Variants in KCNN2 observed in about 807,000 individuals in gnomAD.
The protein encoded by KCNN2 is potassium calcium-activated channel subfamily N member 2.
In KCNN2, 24 loss-of-function variants were observed where a neutral mutation model predicts 55.5. That is an observed-to-expected ratio of 0.43 (90% CI 0.31 to 0.61). The LOEUF (loss-of-function observed/expected upper bound fraction) is 0.61, where lower values mean the gene tolerates loss of function less well. Among genes scored for constraint, KCNN2 ranks in the 20% least tolerant of loss-of-function variants. The pLI, the probability that KCNN2 is intolerant of heterozygous loss-of-function variation, is 0.08. For missense variants in KCNN2, 754 were observed against 853.6 expected, an observed-to-expected ratio of 0.88 and a Z score of 1.45; for synonymous variants, 431 against 336.1, an observed-to-expected ratio of 1.28 and a Z score of -3.09.
chr5:114,206,031 A>G (rs1344125904), intron 1 of KCNN2, among the ~76,000 whole-genome samples: 1 of 152,236 alleles, frequency 6.6e-6, no homozygotes, highest in African/African-American at 2.4e-5. Context: ...TCCAAAGTTC[A>G]TAAAAATTGA....
chr5:114,197,555 A>G (rs116760560), intron 1 of KCNN2, among the ~76,000 whole-genome samples: 4,550 of 152,280 alleles, frequency 0.03, 236 homozygotes, highest in African/African-American at 0.1. Context: ...TCAGGGCCCC[A>G]GTATTCTCAG....
rs141649479 is a variant in KCNN2, at chr5:114,139,459, A to ACC, written c.-270-82014_-270-82013dup. ...CAAAGGAACACACACTCACACAACC[A>ACC]CCCCCCCCACACACACACACCAGAA... On this transcript the variant is annotated intron_variant, in intron 1 of 10. Coordinates refer to the KCNN2 transcript ENST00000512097. 3.6e-3 allele frequency among the ~76,000 whole-genome samples: 505 copies of ACC among 140,562 alleles called. 3 individuals carry two copies. The highest frequency in any genetic ancestry group is 0.023 in the Middle Eastern group (6 of 264). The allele number at this position is 140,562 out of a possible 152,430, so 92.2% of individuals were successfully genotyped here.
At position 114,203,947 on chromosome 5, in the gene KCNN2, TA is replaced by T. The variant is rs1214830994; in HGVS notation, c.-270-17532del. On this transcript the variant is annotated intron_variant, in intron 1 of 10. Transcript: ENST00000512097. The stretch of plus-strand genomic sequence containing the variant: ...ACACAGTTACAAACATTATCTCCTT[TA>T]GTTCTGCAGAAAATGAATCCCTGAT... Among the ~76,000 whole-genome samples the T allele has an allele frequency of 5.9e-5, 9 of 152,318 alleles. No individual in the cohort carries two copies. In the South Asian group the frequency reaches 1.7e-3, roughly 28 times the overall value.
chr5:114,162,172 G>A (rs1248810282), intron 1 of KCNN2, among the ~76,000 whole-genome samples: 1 of 152,112 alleles, frequency 6.6e-6, no homozygotes, highest in Non-Finnish European at 1.5e-5. Context: ...ATGTACAGAC[G>A]GGTTTTTGGT....
chr5:114,065,717 T>G (rs1750430812), intron 1 of KCNN2, among the ~76,000 whole-genome samples: 1 of 152,196 alleles, frequency 6.6e-6, no homozygotes, highest in Non-Finnish European at 1.5e-5. Flanking sequence ...GATTTGGTTC[T>G]TATTTTACTA....
At chr5:114,267,007 T>G (rs922758570) in intron 2 of KCNN2, among the ~76,000 whole-genome samples, 1 of 150,096 alleles carries the variant, frequency 6.7e-6, no homozygotes, top group Non-Finnish European at 1.5e-5. Context: ...TTTTTTTTTT[T>G]TTTTTTTGAG....
chr5:114,110,168 A>G (rs1751566941), intron 1 of KCNN2, among the ~76,000 whole-genome samples: 1 of 152,064 alleles, frequency 6.6e-6, no homozygotes, highest in Admixed American at 6.6e-5. Flanking sequence ...AAAAATATCT[A>G]TCTTTTATAA....
chr5:114,349,645 A>T (rs770211539), intron 2 of KCNN2, among the ~76,000 whole-genome samples: 1 of 152,042 alleles, frequency 6.6e-6, no homozygotes, highest in Non-Finnish European at 1.5e-5. Flanking sequence ...TTATTTATAT[A>T]CTTATCAGTT....
chr5:114,367,735 T>G (rs917767876), intron 2 of KCNN2, among the ~76,000 whole-genome samples: 2 of 152,144 alleles, frequency 1.3e-5, no homozygotes, highest in African/African-American at 4.8e-5. Flanking sequence ...CAACTATCCT[T>G]TAAGATCTTC....
At chr5:114,337,808 T>A (rs997324376) in intron 2 of KCNN2, among the ~76,000 whole-genome samples, 1 of 152,220 alleles carries the variant, frequency 6.6e-6, no homozygotes, top group Admixed American at 6.5e-5. Flanking sequence ...GTAACTTCGG[T>A]CCAACTAGTT....
chr5:114,485,548 G>C (rs1305093744), intron 5 of KCNN2, among the ~76,000 whole-genome samples: 1 of 152,188 alleles, frequency 6.6e-6, no homozygotes, highest in East Asian at 1.9e-4. Flanking sequence ...GGAAGTGGAA[G>C]TATGAAGATG....
intron 2 of KCNN2, among the ~76,000 whole-genome samples, chr5:114,282,208 T>A (rs1294067294): frequency 6.6e-6 from 1 of 152,100 alleles, no homozygotes; most frequent in Non-Finnish European, 1.5e-5. Context: ...GTTTCTAATT[T>A]CTTTCTTTCT....
intron 1 of KCNN2, among the ~76,000 whole-genome samples, chr5:114,164,441 A>AT (rs911929498): frequency 2.0e-5 from 3 of 152,268 alleles, no homozygotes; most frequent in South Asian, 2.1e-4. Context: ...AATTTACTAT[A>AT]TTTTTTTCAT....
At chr5:114,491,108 T>G (rs544774961) in intron 6 of KCNN2, among the ~76,000 whole-genome samples, 67 of 152,202 alleles carry the variant, frequency 4.4e-4, no homozygotes, top group African/African-American at 1.5e-3. Context: ...TGGGCAAAAT[T>G]CTACTGTCAG....
At chr5:114,485,264 G>A (rs183987277) in intron 5 of KCNN2, among the ~76,000 whole-genome samples, 1 of 151,972 alleles carries the variant, frequency 6.6e-6, no homozygotes. Context: ...CTATGCCTTC[G>A]ACTGGTAAAA....
At position 114,092,463 on chromosome 5, in the gene KCNN2, A is replaced by G. The variant is rs571149861; in HGVS notation, c.-271+35963A>G. The stretch of plus-strand genomic sequence containing the variant: ...TCCAGGTACATGGTGCAAGCTGTCA[A>G]TGGATCTGTCATTCTGGGATCTGGA... On this transcript the variant is annotated intron_variant, in intron 1 of 10. Coordinates refer to the KCNN2 transcript ENST00000512097. 1.4e-4 allele frequency among the ~76,000 whole-genome samples: 21 copies of G among 152,256 alleles called. No individual in the cohort carries two copies. In the South Asian group the frequency reaches 3.7e-3, roughly 27 times the overall value.
At chr5:114,434,572 G>A (rs1457319514) in intron 3 of KCNN2, among the ~76,000 whole-genome samples, 4 of 152,188 alleles carry the variant, frequency 2.6e-5, no homozygotes, top group Non-Finnish European at 5.9e-5. Context: ...AAGGAGCTGG[G>A]ATAAACCGGT....
intron 2 of KCNN2, among the ~76,000 whole-genome samples, chr5:114,365,448 T>G (rs1449593476): frequency 6.6e-6 from 1 of 152,242 alleles, no homozygotes; most frequent in Non-Finnish European, 1.5e-5. Context: ...AAATTTATCT[T>G]TTCATTTTGA....
At chr5:114,493,016 C>G (rs183976149) in intron 6 of KCNN2, among the ~76,000 whole-genome samples, 63 of 152,194 alleles carry the variant, frequency 4.1e-4, no homozygotes, top group Non-Finnish European at 8.1e-4. Context: ...GGAAGGTGCT[C>G]ATTGCTCCAA....
Sources: allele counts gnomAD v4.1 joint callset (sites outside exome capture counted in the v4.1 genomes callset), GRCh38; gene constraint gnomAD v4.1.1; transcripts MANE v1.5; gene names NCBI Gene and HGNC (gene_info 2026-07-23, HGNC 2026-07-21).